Variants in CDH17 observed in about 807,000 individuals in gnomAD.
The protein encoded by CDH17 is cadherin 17.
CDH17 carries 67 observed loss-of-function variants against 86.3 expected under a neutral mutation model. That is an observed-to-expected ratio of 0.78 (90% CI 0.64 to 0.95). CDH17 has a LOEUF of 0.95. Ranked by LOEUF, CDH17 falls within the 40% of genes least tolerant of loss-of-function variation. The pLI is 0.00. For missense variants in CDH17, 993 were observed against 1,017.6 expected (o/e 0.98, Z 0.33); for synonymous variants, 367 against 366.4 (o/e 1.00, Z -0.02).
chr8:94,194,732 G>A (rs1303244644), intron 1 of CDH17, 27 bp from the exon 2 acceptor site: 3 of 1,218,272 alleles, frequency 2.5e-6, no homozygotes, highest in East Asian at 2.3e-5. Context: ...TAAAAAAATG[G>A]TTAGTTACCA....
rs1207818367 is a variant in CDH17, at chr8:94,173,907, T to C, written c.673A>G (p.Ser225Gly). Residue 225 changes from serine (S) to glycine (G), a missense_variant, in exon 7 of 18, where the codon AGT becomes GGT. Physicochemically the swap from Ser to Gly is moderately conservative, Grantham distance 56. Coordinates refer to ENST00000027335, the MANE Select transcript of CDH17 (RefSeq NM_004063.4). ...DMGGQSENSFSDTTSVDIIVT... is the reference protein window; with the variant it reads ...DMGGQSENSFGDTTSVDIIVT... Reference sequence around the variant, plus strand: ...ATGATATCCACAGATGTGGTATCACTGAAGGAATTCTCACTCTGGCCTCCC... The same window carrying C: ...ATGATATCCACAGATGTGGTATCACCGAAGGAATTCTCACTCTGGCCTCCC... The C allele has an allele frequency of 6.2e-7, 1 of 1,613,150 alleles. No individual in the cohort carries two copies. The highest frequency in any genetic ancestry group is 1.1e-5 in the South Asian group (1 of 91,076).
chr8:94,213,231 C>T (rs551190861), upstream of CDH17, among the ~76,000 whole-genome samples: 3 of 152,320 alleles, frequency 2.0e-5, no homozygotes, highest in South Asian at 4.1e-4. Context: ...CTCGGTCTCC[C>T]AAAGTGCTGG....
rs1563565926 is a variant in CDH17, at chr8:94,139,904, A to AAT, written c.2167+6023_2167+6024insAT. 1.3e-3 allele frequency among the ~76,000 whole-genome samples: 51 copies of AAT among 39,582 alleles called. 1 individual carries two copies. The highest frequency in any genetic ancestry group is 8.2e-3 in the Middle Eastern group (1 of 122). The allele number at this position is 39,582 out of a possible 152,430, so 26.0% of individuals were successfully genotyped here. The stretch of plus-strand genomic sequence containing the variant: ...TGTCTCCAAAAAATAAAAAATAAAT[A>AAT]AAAAAAAAGGGGGGGTGGTGAAATA... On this transcript the variant is annotated intron_variant, in intron 15 of 17. Transcript: ENST00000027335.
intron 15 of CDH17, among the ~76,000 whole-genome samples, chr8:94,137,467 T>A (rs971426591): frequency 2.0e-5 from 3 of 152,176 alleles, no homozygotes; most frequent in Admixed American, 1.3e-4. Context: ...GAGAATCTCC[T>A]TCTCTGCCAG....
In CDH17 at chr8:94,168,141, T is replaced by C. The variant is rs1447598243; in HGVS notation, c.1067-2165A>G. 1.5e-4 allele frequency among the ~76,000 whole-genome samples: 17 copies of C among 110,048 alleles called. 1 individual carries two copies. Among genetic ancestry groups the C allele is most frequent in the African/African-American group, 6.3e-4 (16 of 25,336 alleles). 72.2% of individuals were successfully genotyped at this position (110,048 alleles called of 152,430 possible). ...ATATATATATATATATATATATATATATATATATATATATATTTGTGTGTG... is the reference window on the plus strand; with the variant it reads ...ATATATATATATATATATATATATACATATATATATATATATTTGTGTGTG... On this transcript the variant is annotated intron_variant, in intron 9 of 17. Transcript: ENST00000027335.
chr8:94,170,921 G>A lies in CDH17; in HGVS notation c.848C>T (p.Pro283Leu). 6.2e-7 allele frequency: 1 copy of A among 1,613,844 alleles called. No homozygotes were observed. Among genetic ancestry groups the A allele is most frequent in the South Asian group, 1.1e-5 (1 of 91,056 alleles). The change falls in exon 8 of 18, where the codon CCA (proline) becomes CTA (leucine). Residue 283 changes from proline to leucine, a missense_variant. Coordinates refer to ENST00000027335, the MANE Select transcript of CDH17 (RefSeq NM_004063.4). ...LVDKEKLPRF[P>L]FSIDQEGDIY... ...ATCTCCTTCCTGGTCAATTGAAAAT[G>A]GGAATCTTGGCAGCTTCTCTTTGTC...
chr8:94,168,133 T>TAC (rs1813197433), intron 9 of CDH17, among the ~76,000 whole-genome samples: 1 of 106,972 alleles, frequency 9.3e-6, no homozygotes, highest in African/African-American at 3.8e-5. Flanking sequence ...TATATATATA[T>TAC]ATATATATAT....
Position 94,146,178 on chromosome 8 carries a change from G to A in CDH17, c.1928-11C>T, listed in dbSNP as rs1459385182. On this transcript the variant is annotated splice_polypyrimidine_tract_variant and intron_variant, in intron 14 of 17. Coordinates refer to ENST00000027335, the MANE Select transcript of CDH17 (RefSeq NM_004063.4). ...TCAAGGAAGACCCCCCTAAGGAATT[G>A]AATGATTGAAACATGGGATCAGTTC... The A allele has an allele frequency of 1.4e-6, 2 of 1,480,400 alleles. No homozygotes were observed. The highest frequency in any genetic ancestry group is 1.5e-5 in the South Asian group (1 of 67,026). 91.7% of individuals were successfully genotyped at this position (1,480,400 alleles called of 1,614,324 possible). A position where few individuals can be genotyped will look rare whatever the true frequency, so the allele number is the denominator to read the frequency against.
chr8:94,206,497 C>T (rs1324344518), intron 1 of CDH17, among the ~76,000 whole-genome samples: 8 of 152,148 alleles, frequency 5.3e-5, no homozygotes, highest in Admixed American at 3.3e-4. Context: ...GAGCAAGGAG[C>T]ATGACAATGC....
chr8:94,197,744 T>C (rs1586023889), intron 1 of CDH17, among the ~76,000 whole-genome samples: 1 of 150,784 alleles, frequency 6.6e-6, no homozygotes, highest in African/African-American at 2.4e-5. Flanking sequence ...GGCAGGAGAA[T>C]TGCTTGAACC....
intron 3 of CDH17, among the ~76,000 whole-genome samples, chr8:94,178,454 T>G (rs1251184229): frequency 6.6e-6 from 1 of 152,138 alleles, no homozygotes; most frequent in Non-Finnish European, 1.5e-5. Flanking sequence ...TACCCTTTGA[T>G]AGCAAACATT....
At chr8:94,202,068 CT>C in intron 1 of CDH17, 1 of 162,464 alleles carries the variant, frequency 6.2e-6, no homozygotes. Context: ...TTACATTTCT[CT>C]TTTTCTGTCA....
At position 94,177,817 on chromosome 8, in the gene CDH17, G is replaced by C. The variant is rs970900953; in HGVS notation, c.151-96C>G. On this transcript the variant is annotated intron_variant, in intron 3 of 17. Transcript: ENST00000027335. The stretch of plus-strand genomic sequence containing the variant: ...CCAATTTCAGGTAAAATTTTCATTG[G>C]TTCAATTACTAAATAAGAAATCCTC... The C allele has an allele frequency of 1.5e-5, 17 of 1,150,732 alleles. No individual in the cohort carries two copies. The African/African-American group carries it at 2.6e-4, about 18-fold the overall frequency. 71.3% of individuals were successfully genotyped at this position (1,150,732 alleles called of 1,614,324 possible). A position where few individuals can be genotyped will look rare whatever the true frequency, so the allele number is the denominator to read the frequency against.
At chr8:94,206,873 C>A (rs1414429802) in intron 1 of CDH17, among the ~76,000 whole-genome samples, 2 of 152,038 alleles carry the variant, frequency 1.3e-5, no homozygotes, top group Non-Finnish European at 2.9e-5. Context: ...GTCTTGAACT[C>A]CAGCACAAGC....
intron 3 of CDH17, among the ~76,000 whole-genome samples, chr8:94,180,783 T>C (rs1438372611): frequency 6.6e-6 from 1 of 152,062 alleles, no homozygotes. Flanking sequence ...TAGTCCCAGC[T>C]ACTTGGGAGG....
chr8:94,160,879 A>T (rs1435472168), intron 11 of CDH17, among the ~76,000 whole-genome samples: 9 of 152,238 alleles, frequency 5.9e-5, no homozygotes, highest in African/African-American at 1.2e-4. Context: ...ACCAAGGGTC[A>T]CACAGCTAGT....
chr8:94,177,724 G>C lies in CDH17; in HGVS notation c.151-3C>G. 2 of 1,611,822 alleles carry C rather than the reference G, an allele frequency of 1.2e-6. No individual in the cohort carries two copies. The highest frequency in any genetic ancestry group is 1.7e-6 in the Non-Finnish European group (2 of 1,179,060). On this transcript the variant is annotated splice_region_variant and splice_polypyrimidine_tract_variant and intron_variant, in intron 3 of 17. Transcript: ENST00000027335. ...ACAGCAGGAGGATTGGCCTTAAACT[G>C]GGGAAAAAGCAAAAAACAGATTAAG... is the stretch of plus-strand genomic sequence containing the variant.
At chr8:94,180,402 A>T (rs1281648852) in intron 3 of CDH17, among the ~76,000 whole-genome samples, 1 of 152,182 alleles carries the variant, frequency 6.6e-6, no homozygotes, top group African/African-American at 2.4e-5. Flanking sequence ...AATTTAAGAA[A>T]AACATGAATC....
chr8:94,199,038 G>GATATATATAT (rs869128612), intron 1 of CDH17, among the ~76,000 whole-genome samples: 8 of 73,372 alleles, frequency 1.1e-4, no homozygotes, highest in African/African-American at 4.7e-4. Flanking sequence ...AGTTCTGATT[G>GATATATATAT]ATATATATAT....
Sources: gnomAD v4.1 joint callset for allele counts (sites outside exome capture counted in the v4.1 genomes callset) on GRCh38, gnomAD v4.1.1 for gene constraint, MANE v1.5 for transcripts, NCBI Gene and HGNC (gene_info 2026-07-23, HGNC 2026-07-21) for gene names.